Variants in ELF2 observed in about 807,000 individuals in gnomAD.
The protein encoded by ELF2 is ETS-related transcription factor Elf-2.
Under a neutral mutation model 54.8 loss-of-function variants are expected in ELF2, and 11 were observed. The ratio of observed to expected loss-of-function variants is 0.20; its 90% confidence interval spans 0.13 to 0.33. The LOEUF is 0.33. ELF2 is among the 10% of genes least tolerant of loss of function. ELF2 has a pLI of 1.00. For synonymous variants in ELF2, 203 were observed against 245.1 expected, an observed-to-expected ratio of 0.83 and a Z score of 1.61; for missense variants, 513 against 703.0, an observed-to-expected ratio of 0.73 and a Z score of 3.06.
At chr4:139,065,295 T>A (rs113576368) in intron 7 of ELF2, among the ~76,000 whole-genome samples, 1 of 152,036 alleles carries the variant, frequency 6.6e-6, no homozygotes, top group African/African-American at 2.4e-5. Flanking sequence ...CTAGGCAACA[T>A]AGGGGGACCC....
chr4:139,074,330 A>G (rs1421065874), intron 4 of ELF2, among the ~76,000 whole-genome samples: 1 of 152,230 alleles, frequency 6.6e-6, no homozygotes, highest in Non-Finnish European at 1.5e-5. Context: ...TTGCCATTAA[A>G]GCCAGGGCAC....
intron 4 of ELF2, among the ~76,000 whole-genome samples, chr4:139,087,955 T>C (rs913922826): frequency 1.3e-5 from 2 of 152,170 alleles, no homozygotes; most frequent in Non-Finnish European, 2.9e-5. Context: ...TGTGAAACTT[T>C]ACAAGGACCC....
At chr4:139,080,888 C>T (rs1233510875) in intron 4 of ELF2, among the ~76,000 whole-genome samples, 1 of 151,314 alleles carries the variant, frequency 6.6e-6, no homozygotes, top group Non-Finnish European at 1.5e-5. Context: ...AAGAAGTTAA[C>T]CTACCAATTA....
chr4:139,133,066 C>T (rs892584229), intron 3 of ELF2, among the ~76,000 whole-genome samples: 1 of 151,678 alleles, frequency 6.6e-6, no homozygotes, highest in Non-Finnish European at 1.5e-5. Context: ...GGACTACAGG[C>T]ACCCGCCACC....
intron 4 of ELF2, chr4:139,115,452 G>A (rs1198781541): frequency 1.0e-6 from 1 of 971,002 alleles, no homozygotes. Context: ...GCTGGCTGGG[G>A]TTAGCTCGCC....
At chr4:139,095,194 T>C (rs1733121097) in intron 4 of ELF2, among the ~76,000 whole-genome samples, 2 of 151,594 alleles carry the variant, frequency 1.3e-5, no homozygotes, top group African/African-American at 2.4e-5. Context: ...GATTTTTTTT[T>C]TTTTTTTTGA....
At chr4:139,109,679 G>A (rs953486815) in intron 4 of ELF2, among the ~76,000 whole-genome samples, 1 of 152,142 alleles carries the variant, frequency 6.6e-6, no homozygotes, top group African/African-American at 2.4e-5. Context: ...GAATGAAATC[G>A]TGTCCTTTGT....
chr4:139,104,508 CAAAAA>C (rs34642901), intron 4 of ELF2, among the ~76,000 whole-genome samples: 15 of 76,908 alleles, frequency 2.0e-4, no homozygotes, highest in African/African-American at 7.8e-4. Context: ...GACTCTGTCT[CAAAAA>C]AAAAAAAAAA....
In ELF2 at chr4:139,144,443, A is replaced by G. The variant is rs149800963; in HGVS notation, c.-251-4946T>C. Among the ~76,000 whole-genome samples, 265 of 152,332 alleles carry G rather than the reference A, an allele frequency of 1.7e-3. 2 individuals carry two copies. The highest frequency in any genetic ancestry group is 6.1e-3 in the African/African-American group (254 of 41,586). On this transcript the variant is annotated intron_variant, in intron 1 of 9. Coordinates refer to ENST00000686138, the MANE Select transcript of ELF2 (RefSeq NM_001331036.3). ...AACTGAGGCAGTGGTTGCAGGTTGA[A>G]AGAAGCTCCCAATTTGAAATTCAAA...
chr4:139,112,676 T>C (rs1196092462), intron 4 of ELF2, among the ~76,000 whole-genome samples: 2 of 152,230 alleles, frequency 1.3e-5, no homozygotes, highest in Non-Finnish European at 2.9e-5. Context: ...AACTGTATTA[T>C]TTAGATACAC....
intron 7 of ELF2, among the ~76,000 whole-genome samples, chr4:139,062,719 C>CA (rs1410768089): frequency 2.0e-5 from 3 of 152,130 alleles, no homozygotes; most frequent in African/African-American, 7.2e-5. Context: ...ATTCCATGAT[C>CA]AAAATTCACC....
chr4:139,174,194 G>A (rs11737552), intron 1 of ELF2, among the ~76,000 whole-genome samples: 58,607 of 139,544 alleles, frequency 0.42, 12,681 homozygotes, highest in Middle Eastern at 0.53. Context: ...GCGACAGAGC[G>A]AGACTCCATC....
intron 4 of ELF2, among the ~76,000 whole-genome samples, chr4:139,098,831 T>G (rs1033103267): frequency 2.0e-5 from 3 of 152,246 alleles, no homozygotes; most frequent in African/African-American, 7.2e-5. Context: ...TCATTTAATT[T>G]TGCTTTATGC....
chr4:139,144,044 C>T (rs1451854835), intron 1 of ELF2, among the ~76,000 whole-genome samples: 1 of 151,876 alleles, frequency 6.6e-6, no homozygotes, highest in Non-Finnish European at 1.5e-5. Context: ...TGGGTAAAGA[C>T]TCAAACTGTG....
intron 8 of ELF2, 48 bp from the exon 9 acceptor site, chr4:139,060,722 C>A: frequency 1.4e-6 from 2 of 1,457,244 alleles, no homozygotes; most frequent in Non-Finnish European, 1.9e-6. Context: ...TATTTCTTCA[C>A]CCCACTCCAC....
intron 4 of ELF2, among the ~76,000 whole-genome samples, chr4:139,112,798 G>A (rs1735094758): frequency 6.6e-6 from 1 of 151,896 alleles, no homozygotes; most frequent in African/African-American, 2.4e-5. Flanking sequence ...TCTTTAAAAA[G>A]TCTCTCTGAA....
At chr4:139,083,891 TC>T (rs996068034) in intron 4 of ELF2, among the ~76,000 whole-genome samples, 34 of 152,286 alleles carry the variant, frequency 2.2e-4, no homozygotes, top group African/African-American at 8.2e-4. Flanking sequence ...CTGCTGCTGC[TC>T]GCCGAACCCA....
chr4:139,091,644 C>T (rs934763168), intron 4 of ELF2, among the ~76,000 whole-genome samples: 2 of 152,004 alleles, frequency 1.3e-5, no homozygotes, highest in African/African-American at 4.8e-5. Flanking sequence ...CCATTGCACC[C>T]GGCTATTTTT....
intron 1 of ELF2, among the ~76,000 whole-genome samples, chr4:139,146,297 T>A (rs1374043137): frequency 6.6e-6 from 1 of 152,062 alleles, no homozygotes; most frequent in East Asian, 1.9e-4. Flanking sequence ...ATATATAAAA[T>A]ACCTAGGAAT....
Sources: allele counts gnomAD v4.1 joint callset (sites outside exome capture counted in the v4.1 genomes callset), GRCh38; gene constraint gnomAD v4.1.1; transcripts MANE v1.5; gene names NCBI Gene and HGNC (gene_info 2026-07-23, HGNC 2026-07-21).